The following IGF2BP2 variants were observed in gnomAD, a reference collection of about 807,000 sequenced individuals.
IGF2BP2 encodes insulin like growth factor 2 mRNA binding protein 2, also known as insulin-like growth factor 2 mRNA-binding protein 2.
IGF2BP2 carries 17 observed loss-of-function variants against 75.8 expected under a neutral mutation model. The observed-to-expected ratio is 0.22, with a 90% CI of 0.15 to 0.34. The LOEUF is 0.34. Among genes scored for constraint, IGF2BP2 ranks in the 10% least tolerant of loss-of-function variants. The pLI is 1.00. For synonymous variants in IGF2BP2, 288 were observed against 295.6 expected (o/e 0.97, Z 0.26); for missense variants, 516 against 772.4 (o/e 0.67, Z 3.93).
chr3:185,792,156 AATC>A (rs1464589183), intron 2 of IGF2BP2, among the ~76,000 whole-genome samples: 1 of 152,216 alleles, frequency 6.6e-6, no homozygotes, highest in Non-Finnish European at 1.5e-5. Flanking sequence ...ATCACAGACA[AATC>A]ATCAAGTTAC....
intron 11 of IGF2BP2, 99 bp downstream of exon 11, chr3:185,658,242 G>A (rs1434753777): frequency 3.5e-6 from 4 of 1,156,224 alleles, no homozygotes; most frequent in Non-Finnish European, 5.2e-6. Context: ...AACCACAGGA[G>A]ACAAGATCTG....
chr3:185,737,964 C>T (rs1237736097), intron 2 of IGF2BP2, among the ~76,000 whole-genome samples: 1 of 152,126 alleles, frequency 6.6e-6, no homozygotes, highest in African/African-American at 2.4e-5. Context: ...CATATTTAGG[C>T]CTCAAATTTC....
At chr3:185,697,364 C>G (rs767173443) in intron 3 of IGF2BP2, among the ~76,000 whole-genome samples, 2 of 151,416 alleles carry the variant, frequency 1.3e-5, no homozygotes, top group Non-Finnish European at 2.9e-5. Flanking sequence ...CCTTGGCCTC[C>G]GAAGTGCTGG....
chr3:185,747,756 T>C (rs1730436646), intron 2 of IGF2BP2, among the ~76,000 whole-genome samples: 1 of 152,208 alleles, frequency 6.6e-6, no homozygotes. Flanking sequence ...GTTTCTTTAG[T>C]AGACTGAGAA....
In IGF2BP2 at chr3:185,796,631, A is replaced by G. The variant is rs146872661; in HGVS notation, c.239+26522T>C. Among the ~76,000 whole-genome samples, 29 of 141,822 alleles carry G rather than the reference A, an allele frequency of 2.0e-4. 2 individuals carry two copies. The highest frequency in any genetic ancestry group is 6.1e-4 in the East Asian group (3 of 4,946). The allele number at this position is 141,822 out of a possible 152,430, so 93.0% of individuals were successfully genotyped here. A position where few individuals can be genotyped will look rare whatever the true frequency, so the allele number is the denominator to read the frequency against. ...TCCTGAGCTAGGAAAAAAAAAAAAA[A>G]AAAGAGAGAGAGACTAAGGTAATAC... On this transcript the variant is annotated intron_variant, in intron 2 of 15. Coordinates refer to ENST00000382199, the MANE Select transcript of IGF2BP2 (RefSeq NM_006548.6).
intron 7 of IGF2BP2, among the ~76,000 whole-genome samples, chr3:185,684,470 T>C (rs1720835094): frequency 6.6e-6 from 1 of 152,080 alleles, no homozygotes; most frequent in African/African-American, 2.4e-5. Context: ...AGTGGCGCGA[T>C]CTCGGCTCAC....
chr3:185,654,186 G>C (rs911118614), intron 12 of IGF2BP2, among the ~76,000 whole-genome samples: 1 of 152,156 alleles, frequency 6.6e-6, no homozygotes, highest in African/African-American at 2.4e-5. Flanking sequence ...AGACTCAGGT[G>C]ATCAACAGCT....
At chr3:185,665,169 TAA>T (rs869141172) in intron 10 of IGF2BP2, among the ~76,000 whole-genome samples, 5,953 of 96,618 alleles carry the variant, frequency 0.062, 156 homozygotes, top group Non-Finnish European at 0.064. Context: ...CCCTGTTTCT[TAA>T]AAAAAAAAAA....
At chr3:185,781,162 C>T (rs1002001647) in intron 2 of IGF2BP2, among the ~76,000 whole-genome samples, 1 of 152,258 alleles carries the variant, frequency 6.6e-6, no homozygotes, top group South Asian at 2.1e-4. Context: ...CTACCCTATC[C>T]TCAACATAAA....
chr3:185,709,571 ACAG>A (rs910213787), intron 2 of IGF2BP2, among the ~76,000 whole-genome samples: 1 of 152,272 alleles, frequency 6.6e-6, no homozygotes, highest in African/African-American at 2.4e-5. Context: ...TGTTAAAGTG[ACAG>A]CAGTTTACTT....
At chr3:185,657,077 T>C (rs1715558556) in intron 12 of IGF2BP2, among the ~76,000 whole-genome samples, 1 of 152,158 alleles carries the variant, frequency 6.6e-6, no homozygotes, top group Non-Finnish European at 1.5e-5. Context: ...TGCTACTATT[T>C]TTTTCTAATT....
chr3:185,816,782 G>A (rs926787995), intron 2 of IGF2BP2, among the ~76,000 whole-genome samples: 1 of 152,170 alleles, frequency 6.6e-6, no homozygotes, highest in Non-Finnish European at 1.5e-5. Flanking sequence ...AGTACTGTAT[G>A]AATATTAAGA....
At chr3:185,752,504 G>T (rs1392735021) in intron 2 of IGF2BP2, among the ~76,000 whole-genome samples, 2 of 152,004 alleles carry the variant, frequency 1.3e-5, no homozygotes, top group African/African-American at 2.4e-5. Context: ...GTTTTAATGG[G>T]AAATTTAATT....
At chr3:185,677,759 GAGACAGAAACTATA>G (rs1224757642) in intron 7 of IGF2BP2, among the ~76,000 whole-genome samples, 1 of 152,122 alleles carries the variant, frequency 6.6e-6, no homozygotes, top group Non-Finnish European at 1.5e-5. Flanking sequence ...TATCAACAAA[GAGACAGAAACTATA>G]AGAAAGAACC....
intron 2 of IGF2BP2, among the ~76,000 whole-genome samples, chr3:185,726,331 C>G (rs983072924): frequency 1.3e-5 from 2 of 152,140 alleles, no homozygotes; most frequent in East Asian, 3.9e-4. Flanking sequence ...GACACACAAA[C>G]TGGGGAATGA....
rs538948815 is a variant in IGF2BP2 at position 185,824,478 on chromosome 3, G to A, written c.178+305C>T. On this transcript the variant is annotated intron_variant, in intron 1 of 15. Transcript: ENST00000382199. ...GGCGGGGAAGCTCAGAGCAGCCCGG[G>A]GCGCCAGGCGAACGAGGGGTGCCCC... Among the ~76,000 whole-genome samples, 63 of 151,828 alleles carry A rather than the reference G, an allele frequency of 4.1e-4. 1 individual carries two copies. Among genetic ancestry groups the A allele is most frequent in the African/African-American group, 1.5e-3 (63 of 41,466 alleles).
At chr3:185,690,183 T>C (rs2149323949) in intron 5 of IGF2BP2, among the ~76,000 whole-genome samples, 2 of 152,274 alleles carry the variant, frequency 1.3e-5, no homozygotes, top group South Asian at 4.2e-4. Flanking sequence ...CAGCCTGGTT[T>C]CTCCACCACT....
In IGF2BP2 at chr3:185,755,159, G is replaced by A. The variant is rs144731903; in HGVS notation, c.240-56812C>T. Among the ~76,000 whole-genome samples the A allele has an allele frequency of 1.6e-3, 248 of 152,340 alleles. 1 individual carries two copies. Among genetic ancestry groups the A allele is most frequent in the African/African-American group, 5.8e-3 (240 of 41,572 alleles). On this transcript the variant is annotated intron_variant, in intron 2 of 15. Coordinates refer to ENST00000382199, the MANE Select transcript of IGF2BP2 (RefSeq NM_006548.6). The stretch of plus-strand genomic sequence containing the variant: ...CAGGCCCAGAGGCCTAAGGAGGAAA[G>A]AACGGTTTAGTGGGCCAGGCCTGGG...
At chr3:185,649,812 G>A (rs1560223150) in intron 13 of IGF2BP2, among the ~76,000 whole-genome samples, 1 of 152,218 alleles carries the variant, frequency 6.6e-6, no homozygotes, top group Admixed American at 6.5e-5. Flanking sequence ...CTGTGTGTCA[G>A]GGCTAAGGGG....
Sources: allele counts gnomAD v4.1 joint callset (sites outside exome capture counted in the v4.1 genomes callset), GRCh38; gene constraint gnomAD v4.1.1; transcripts MANE v1.5; gene names NCBI Gene and HGNC (gene_info 2026-07-23, HGNC 2026-07-21).